The following LAMA3 variants were observed in gnomAD, a reference collection of about 807,000 sequenced individuals.
LAMA3 encodes the protein laminin subunit alpha-3.
A neutral mutation model predicts 402.0 loss-of-function variants in LAMA3; 281 were observed. The ratio of observed to expected loss-of-function variants is 0.70; its 90% CI spans 0.63 to 0.77. The LOEUF (loss-of-function observed/expected upper bound fraction) is 0.77. Among genes scored for constraint, LAMA3 ranks in the 30% least tolerant of loss-of-function variants. LAMA3 has a pLI of 0.00. For missense variants in LAMA3, 3,840 were observed against 4,215.5 expected (o/e 0.91, Z 2.47); for synonymous variants, 1,431 against 1,558.4 (o/e 0.92, Z 1.93).
At chr18:23,912,452 T>G (rs2081465017) in intron 55 of LAMA3, among the ~76,000 whole-genome samples, 1 of 152,182 alleles carries the variant, frequency 6.6e-6, no homozygotes, top group Admixed American at 6.5e-5. Flanking sequence ...CACAGAGGAC[T>G]AAATGCACTG....
At chr18:23,856,502 C>T (rs1025723039) in intron 32 of LAMA3, among the ~76,000 whole-genome samples, 3 of 152,212 alleles carry the variant, frequency 2.0e-5, no homozygotes, top group Non-Finnish European at 4.4e-5. Context: ...CTCCCCAGGG[C>T]TCGCGGCACT....
At chr18:23,792,581 A>G (rs1335136201) in intron 12 of LAMA3, among the ~76,000 whole-genome samples, 1 of 152,210 alleles carries the variant, frequency 6.6e-6, no homozygotes, top group African/African-American at 2.4e-5. Context: ...TTTAACATGA[A>G]TTTTGGCAAG....
intron 19 of LAMA3, among the ~76,000 whole-genome samples, chr18:23,820,685 C>T (rs182302994): frequency 6.6e-6 from 1 of 152,168 alleles, no homozygotes; most frequent in Non-Finnish European, 1.5e-5. Flanking sequence ...GCTTTGTCCT[C>T]AGAATTTGTC....
At chr18:23,916,521 G>A (rs1184035670) in intron 59 of LAMA3, 30 bp from the exon 60 acceptor site, 2 of 1,612,998 alleles carry the variant, frequency 1.2e-6, no homozygotes, top group South Asian at 2.2e-5. Flanking sequence ...TTGCTGCTGT[G>A]TTCTAATTTA....
At position 23,814,333 on chromosome 18, in the gene LAMA3, G is replaced by T. The variant is rs2063134894; in HGVS notation, c.1789-70G>T. ...AAATATGTTTCTGTGACAAGTCTTT[G>T]CTCACGCACAGGTTTGAAAACATGT... On this transcript the variant is annotated intron_variant, in intron 14 of 74. Transcript: ENST00000313654. The T allele has an allele frequency of 4.4e-6, 5 of 1,140,810 alleles. No individual in the cohort carries two copies. In the South Asian group the frequency reaches 6.2e-5, roughly 14 times the overall value. The allele number at this position is 1,140,810 out of a possible 1,614,324, so 70.7% of individuals were successfully genotyped here.
intron 32 of LAMA3, among the ~76,000 whole-genome samples, chr18:23,856,890 T>G (rs2064093365): frequency 6.6e-6 from 1 of 152,150 alleles, no homozygotes; most frequent in Admixed American, 6.5e-5. Context: ...TTGCCCTAGG[T>G]TAGCCCCCAG....
In LAMA3 at chr18:23,901,341, A is replaced by G. The variant is rs2081064722; in HGVS notation, c.6201+18A>G. 1 of 1,604,318 alleles carries G rather than the reference A, an allele frequency of 6.2e-7. No individual in the cohort carries two copies. The highest frequency in any genetic ancestry group is 8.5e-7 in the Non-Finnish European group (1 of 1,171,688). ...CCATTCAGGTGAGTTCACAGTTTGA[A>G]GTTGCACACTTTCGTTAATAAGGAT... On this transcript the variant is annotated intron_variant, in intron 48 of 74. Coordinates refer to ENST00000313654, the MANE Select transcript of LAMA3 (RefSeq NM_198129.4).
chr18:23,765,894 G>T (rs886438462), intron 8 of LAMA3, among the ~76,000 whole-genome samples: 1 of 152,102 alleles, frequency 6.6e-6, no homozygotes, highest in Admixed American at 6.5e-5. Context: ...AGATAGATTA[G>T]TAGAATTTAT....
chr18:23,806,553 G>A (rs1598830014), intron 12 of LAMA3, among the ~76,000 whole-genome samples: 1 of 152,112 alleles, frequency 6.6e-6, no homozygotes, highest in East Asian at 1.9e-4. Context: ...GGGTTGGGGG[G>A]TGCAGTTGCT....
chr18:23,876,204 G>A (rs2064705301), intron 38 of LAMA3, 90 bp from the exon 39 acceptor site: 1 of 851,638 alleles, frequency 1.2e-6, no homozygotes, highest in Non-Finnish European at 2.0e-6. Flanking sequence ...TAAAAATGAT[G>A]TGAATGCTTC....
chr18:23,939,518 A>G (rs2082424342), intron 68 of LAMA3, 132 bp downstream of exon 68: 2 of 985,492 alleles, frequency 2.0e-6, no homozygotes, highest in Non-Finnish European at 3.2e-6. Context: ...TTGTGCAAAG[A>G]GGTGCTGGCC....
At chr18:23,916,520 T>C in intron 59 of LAMA3, 31 bp from the exon 60 acceptor site, 2 of 1,612,702 alleles carry the variant, frequency 1.2e-6, no homozygotes, top group Non-Finnish European at 1.7e-6. Context: ...TTTGCTGCTG[T>C]GTTCTAATTT....
At chr18:23,882,530 A>G (rs766713631) in intron 40 of LAMA3, among the ~76,000 whole-genome samples, 6 of 151,976 alleles carry the variant, frequency 3.9e-5, no homozygotes, top group Non-Finnish European at 5.9e-5. Context: ...GAATCGCTTG[A>G]ACCCAGGAGG....
intron 67 of LAMA3, among the ~76,000 whole-genome samples, chr18:23,936,474 A>C (rs2082318398): frequency 6.7e-6 from 1 of 150,000 alleles, no homozygotes; most frequent in Admixed American, 6.7e-5. Context: ...AGCACAAAGA[A>C]CGTGCTCTTC....
At chr18:23,745,664 G>T (rs1294868009) in intron 2 of LAMA3, among the ~76,000 whole-genome samples, 1 of 152,190 alleles carries the variant, frequency 6.6e-6, no homozygotes, top group Non-Finnish European at 1.5e-5. Flanking sequence ...TTAAAGTGGG[G>T]TTAATAAAAC....
intron 1 of LAMA3, among the ~76,000 whole-genome samples, chr18:23,704,849 A>AAGTATTACACGTGGT (rs2060856593): frequency 2.3e-5 from 1 of 43,748 alleles, no homozygotes; most frequent in African/African-American, 5.0e-5. Context: ...GTGAATTCTA[A>AAGTATTACACGTGGT]AGGCTTTTTA....
Position 23,889,889 on chromosome 18 carries a change from T to G in LAMA3, c.5304-122T>G, listed in dbSNP as rs139741386. 2.4e-4 allele frequency: 191 copies of G among 784,590 alleles called. 1 individual carries two copies. In the African/African-American group the frequency reaches 3.0e-3, roughly 12 times the overall value. 48.6% of individuals were successfully genotyped at this position (784,590 alleles called of 1,614,324 possible). ...TGAGAAATATTCATTCTTGCAGATC[T>G]ATGTCGGTCTTCCACCCATTGGGTT... is the stretch of plus-strand genomic sequence containing the variant. On this transcript the variant is annotated intron_variant, in intron 41 of 74. Transcript: ENST00000313654.
intron 8 of LAMA3, among the ~76,000 whole-genome samples, chr18:23,772,115 C>G (rs2143851529): frequency 6.7e-6 from 1 of 150,032 alleles, no homozygotes; most frequent in African/African-American, 2.5e-5. Flanking sequence ...GATTTCGGCT[C>G]ACTGCAACCT....
intron 50 of LAMA3, 32 bp from the exon 51 acceptor site, chr18:23,904,521 G>A (rs1371961066): frequency 6.4e-7 from 1 of 1,570,252 alleles, no homozygotes; most frequent in Non-Finnish European, 8.6e-7. Context: ...GAGGAAGGCT[G>A]TGGGGAGTGG....
Sources: allele counts gnomAD v4.1 joint callset (sites outside exome capture counted in the v4.1 genomes callset), GRCh38; gene constraint gnomAD v4.1.1; transcripts MANE v1.5; gene names NCBI Gene and HGNC (gene_info 2026-07-23, HGNC 2026-07-21).